DGKH: variants seen among roughly 807,000 people sequenced by gnomAD.
The protein encoded by DGKH is DAG kinase eta.
DGKH carries 90 observed loss-of-function variants against 159.3 expected under a neutral mutation model. The observed-to-expected ratio is 0.57, with a 90% confidence interval of 0.48 to 0.67. DGKH has a LOEUF of 0.67. DGKH is among the 30% of genes least tolerant of loss of function. The probability of loss-of-function intolerance (pLI) is 0.00; values close to 1 mark genes in which losing one functional copy is unlikely to be tolerated. For synonymous variants in DGKH, 536 were observed against 553.8 expected (o/e 0.97, Z 0.45); for missense variants, 1,181 against 1,506.1 (o/e 0.78, Z 3.57).
chr13:42,090,217 T>A (rs1300926897), intron 1 of DGKH, among the ~76,000 whole-genome samples: 1 of 152,128 alleles, frequency 6.6e-6, no homozygotes, highest in Non-Finnish European at 1.5e-5. Context: ...GAATAAATTT[T>A]AAAAAACTGT....
chr13:42,181,276 CAAAA>C (rs34220072), intron 13 of DGKH, among the ~76,000 whole-genome samples: 12 of 81,252 alleles, frequency 1.5e-4, no homozygotes, highest in African/African-American at 4.2e-4. Flanking sequence ...GACTCTGTCT[CAAAA>C]AAAAAAAAAA....
chr13:42,179,560 GC>G (rs1956694882), intron 13 of DGKH, among the ~76,000 whole-genome samples: 1 of 152,142 alleles, frequency 6.6e-6, no homozygotes, highest in South Asian at 2.1e-4. Flanking sequence ...ATTACTTGAA[GC>G]CCAGGAGTTC....
At position 42,048,826 on chromosome 13, in the gene DGKH, CCGCCGGAGCCGG is replaced by C. The variant is rs1880990833; in HGVS notation, c.59_70del (p.Gly20_Ala23del). On this transcript the variant is annotated inframe_deletion, in exon 1 of 30. Coordinates refer to ENST00000337343, the MANE Select transcript of DGKH (RefSeq NM_178009.5). The surrounding 1 kb of genome is among the most constrained non-coding windows in gnomAD (Gnocchi z 6.7). ...CCTCCGGGCGCCGCTGGAGGAGCGG[CCGCCGGAGCCGG>C]CGCCGCGGTCACCTCCGCCGCTGCC... The C allele has an allele frequency of 7.5e-7, 1 of 1,336,734 alleles. No individual in the cohort carries two copies. The highest frequency in any genetic ancestry group is 9.6e-7 in the Non-Finnish European group (1 of 1,041,510). 82.8% of individuals were successfully genotyped at this position (1,336,734 alleles called of 1,614,324 possible).
chr13:42,116,603 T>G (rs1954973612), intron 1 of DGKH, among the ~76,000 whole-genome samples: 1 of 152,182 alleles, frequency 6.6e-6, no homozygotes, highest in African/African-American at 2.4e-5. Context: ...CAGTGCCTGA[T>G]TTTTCAAGGA....
chr13:42,219,119 C>A, intron 26 of DGKH, 111 bp from the exon 27 acceptor site: 1 of 1,299,900 alleles, frequency 7.7e-7, no homozygotes. Context: ...TTAAAAAATA[C>A]TACCTTAATA....
intron 1 of DGKH, among the ~76,000 whole-genome samples, chr13:42,091,264 T>C (rs1954412089): frequency 6.6e-6 from 1 of 152,072 alleles, no homozygotes; most frequent in Non-Finnish European, 1.5e-5. Flanking sequence ...AGCAATGACT[T>C]CTTGGATATG....
intron 1 of DGKH, among the ~76,000 whole-genome samples, chr13:42,054,848 A>C (rs1213659014): frequency 6.6e-6 from 1 of 152,232 alleles, no homozygotes; most frequent in East Asian, 1.9e-4. Context: ...ATGTACCAGA[A>C]ATATGTACAA....
chr13:42,097,062 C>G (rs2137762969), intron 1 of DGKH, among the ~76,000 whole-genome samples: 1 of 152,276 alleles, frequency 6.6e-6, no homozygotes, highest in Non-Finnish European at 1.5e-5. Context: ...AATAGCTTTT[C>G]CCCAGCCTTT....
chr13:42,159,270 T>A lies in DGKH; in HGVS notation c.627T>A (p.Cys209Ter). 1 of 1,521,084 alleles carries A rather than the reference T, an allele frequency of 6.6e-7. No homozygotes were observed. Among genetic ancestry groups the A allele is most frequent in the Non-Finnish European group, 9.0e-7 (1 of 1,117,272 alleles). The allele number at this position is 1,521,084 out of a possible 1,614,324, so 94.2% of individuals were successfully genotyped here. Residue 209 changes from cysteine (C) to a stop codon, truncating the protein, a stop_gained, in exon 6 of 30, where the codon TGT becomes TGA. Coordinates refer to ENST00000337343, the MANE Select transcript of DGKH (RefSeq NM_178009.5). LOFTEE classifies it high-confidence loss of function. ...VTSHGLSCEV[C>*]KFKAHKRCAV... is the part of the protein sequence containing the mutation. ...TTTTTTTTTTTTTTTTTTTAGTGTG[T>A]AAATTCAAGGCTCACAAAAGATGTG...
chr13:42,120,175 A>G (rs1955042736), intron 1 of DGKH, among the ~76,000 whole-genome samples: 1 of 152,230 alleles, frequency 6.6e-6, no homozygotes, highest in African/African-American at 2.4e-5. Context: ...AAGTGAAAAT[A>G]ATATGTTACC....
chr13:42,137,821 G>A (rs1012923605), intron 3 of DGKH, among the ~76,000 whole-genome samples: 1 of 152,118 alleles, frequency 6.6e-6, no homozygotes, highest in Admixed American at 6.5e-5. Context: ...GGCATTTCAG[G>A]GCACTCTTTA....
chr13:42,255,981 C>G (rs747387448), intron 30 of DGKH: 13 of 1,607,906 alleles, frequency 8.1e-6, no homozygotes, highest in Non-Finnish European at 1.1e-5. Context: ...CTCAGTGGAG[C>G]CATGAACACT....
chr13:42,189,902 A>G (rs1436363749), intron 15 of DGKH, among the ~76,000 whole-genome samples: 3 of 152,232 alleles, frequency 2.0e-5, no homozygotes, highest in South Asian at 2.1e-4. Context: ...TCCTGGGCTC[A>G]AGTGATTCGT....
At chr13:42,098,214 C>T (rs34329052) in intron 1 of DGKH, among the ~76,000 whole-genome samples, 21,567 of 152,186 alleles carry the variant, frequency 0.14, 1,698 homozygotes, top group South Asian at 0.18. Flanking sequence ...GGCCAGGGCA[C>T]GGTGCCTCAT....
chr13:42,189,317 T>G lies in DGKH; in HGVS notation c.1912+8T>G, dbSNP rs1263630988. 4 of 1,612,956 alleles carry G rather than the reference T, an allele frequency of 2.5e-6. No homozygotes were observed. In the Admixed American group the frequency reaches 6.7e-5, roughly 27 times the overall value. On this transcript the variant is annotated splice_region_variant and intron_variant, in intron 15 of 29. Coordinates refer to ENST00000337343, the MANE Select transcript of DGKH (RefSeq NM_178009.5). ...TTGAGGAAGCCGGAAAAGGTACACA[T>G]TAACAAATTTAGCTTTGGAAGAAGT...
intron 20 of DGKH, among the ~76,000 whole-genome samples, chr13:42,202,835 T>A (rs998110896): frequency 2.6e-5 from 4 of 152,200 alleles, no homozygotes; most frequent in African/African-American, 9.7e-5. Context: ...TCCAAACATT[T>A]TTTGTAAGAA....
chr13:42,164,282 G>A (rs1301958132), intron 7 of DGKH, among the ~76,000 whole-genome samples: 4 of 152,056 alleles, frequency 2.6e-5, no homozygotes, highest in African/African-American at 9.7e-5. Context: ...TTCTTATTTA[G>A]CATTATTATA....
intron 3 of DGKH, among the ~76,000 whole-genome samples, chr13:42,148,756 C>G (rs1450346613): frequency 6.6e-6 from 1 of 152,032 alleles, no homozygotes; most frequent in Non-Finnish European, 1.5e-5. Flanking sequence ...CATTTGCAGC[C>G]CATGGTTGTC....
chr13:42,243,908 C>G (rs540414023), downstream of DGKH, among the ~76,000 whole-genome samples: 2 of 151,946 alleles, frequency 1.3e-5, no homozygotes, highest in Non-Finnish European at 2.9e-5. Flanking sequence ...ACAAGGAGAT[C>G]GGTTAGAGGT....
Sources: allele counts gnomAD v4.1 joint callset (sites outside exome capture counted in the v4.1 genomes callset), GRCh38; gene constraint gnomAD v4.1.1; non-coding constraint Gnocchi (gnomAD v3.1); transcripts MANE v1.5; gene names NCBI Gene and HGNC (gene_info 2026-07-23, HGNC 2026-07-21).